Variants in MPRIP observed in about 807,000 individuals in gnomAD.
MPRIP encodes the protein myosin phosphatase Rho interacting protein, also known as myosin phosphatase Rho-interacting protein.
Under a neutral mutation model 234.9 loss-of-function variants are expected in MPRIP, and 59 were observed. The observed-to-expected ratio is 0.25, with a 90% CI of 0.20 to 0.31. The LOEUF (loss-of-function observed/expected upper bound fraction) is 0.31. Among genes scored for constraint, MPRIP ranks in the 10% least tolerant of loss-of-function variants. The probability of loss-of-function intolerance (pLI) is 1.00; values close to 1 mark genes in which losing one functional copy is unlikely to be tolerated. For synonymous variants in MPRIP, 1,144 were observed against 1,263.9 expected (o/e 0.91, Z 2.01); for missense variants, 2,436 against 3,071.0 (o/e 0.79, Z 4.89).
At chr17:17,174,109 C>T in intron 19 of MPRIP, 34 bp downstream of exon 19, 1 of 1,607,392 alleles carries the variant, frequency 6.2e-7, no homozygotes, top group South Asian at 1.1e-5. Flanking sequence ...CAAGGTTAGT[C>T]AGGGGCACTC....
At chr17:17,119,067 T>A (rs1022770088) in intron 3 of MPRIP, among the ~76,000 whole-genome samples, 2 of 152,144 alleles carry the variant, frequency 1.3e-5, no homozygotes, top group Non-Finnish European at 2.9e-5. Flanking sequence ...CCTGCTCCTG[T>A]GTTGTGCCTC....
Position 17,131,601 on chromosome 17 carries a change from C to T in MPRIP, c.420-16C>T. On this transcript the variant is annotated splice_polypyrimidine_tract_variant and intron_variant, in intron 4 of 23. Coordinates refer to ENST00000651222, the MANE Select transcript of MPRIP (RefSeq NM_001364716.4). ...CCAGGGTCTTACCTGGTACTTGTCTCCTTTTCTCTTCCCAGGTGGCTGGAG... is the reference window on the plus strand; with the variant it reads ...CCAGGGTCTTACCTGGTACTTGTCTTCTTTTCTCTTCCCAGGTGGCTGGAG... The T allele has an allele frequency of 6.2e-7, 1 of 1,613,160 alleles. No homozygotes were observed. Among genetic ancestry groups the T allele is most frequent in the Non-Finnish European group, 8.5e-7 (1 of 1,179,066 alleles).
intron 1 of MPRIP, among the ~76,000 whole-genome samples, chr17:17,072,691 G>A (rs762785290): frequency 6.6e-6 from 1 of 152,102 alleles, no homozygotes; most frequent in Non-Finnish European, 1.5e-5. Context: ...CAGCCCACGT[G>A]GCTGGCTGTG....
At chr17:17,132,683 T>C (rs766847765) in intron 5 of MPRIP, among the ~76,000 whole-genome samples, 5 of 152,232 alleles carry the variant, frequency 3.3e-5, no homozygotes, top group Non-Finnish European at 7.3e-5. Context: ...GTATTGGCCC[T>C]CCTGCTGATG....
intron 12 of MPRIP, 94 bp downstream of exon 12, chr17:17,150,327 G>A: frequency 1.2e-6 from 1 of 867,270 alleles, no homozygotes; most frequent in Non-Finnish European, 1.9e-6. Flanking sequence ...TTCTGGACAG[G>A]CCTGATGCAG....
chr17:17,174,230 G>A (rs1034733103), intron 19 of MPRIP, among the ~76,000 whole-genome samples, 155 bp downstream of exon 19: 1 of 152,264 alleles, frequency 6.6e-6, no homozygotes, highest in Non-Finnish European at 1.5e-5. Context: ...CTGCCCCAGG[G>A]CTTCTCCCTG....
At chr17:17,173,743 G>A (rs774083318) in intron 18 of MPRIP, 173 bp from the exon 19 acceptor site, 16 of 755,086 alleles carry the variant, frequency 2.1e-5, no homozygotes, top group African/African-American at 3.4e-5. Context: ...AGGGAGGGGC[G>A]TGAGGCCATC....
intron 1 of MPRIP, among the ~76,000 whole-genome samples, chr17:17,061,866 A>G (rs7207187): frequency 0.083 from 12,547 of 152,048 alleles, 732 homozygotes; most frequent in East Asian, 0.17. Flanking sequence ...TCCCGTGAAC[A>G]CTGCTTTGGT....
At chr17:17,088,728 TATATC>T (rs1453543219) in intron 3 of MPRIP, among the ~76,000 whole-genome samples, 2 of 152,018 alleles carry the variant, frequency 1.3e-5, no homozygotes, top group Non-Finnish European at 2.9e-5. Context: ...TCCTGGAAAA[TATATC>T]ATGTCCAAAA....
At chr17:17,106,459 G>A (rs73979085) in intron 3 of MPRIP, among the ~76,000 whole-genome samples, 10,606 of 152,252 alleles carry the variant, frequency 0.07, 1,173 homozygotes, top group African/African-American at 0.24. Context: ...CAGAGAGAGG[G>A]CAGCAAGAGC....
chr17:17,105,463 G>C (rs529607918), intron 3 of MPRIP, among the ~76,000 whole-genome samples: 1 of 152,168 alleles, frequency 6.6e-6, no homozygotes, highest in African/African-American at 2.4e-5. Flanking sequence ...CTCTTGACTG[G>C]GGCAGTACTG....
chr17:17,161,861 G>GA (rs201345325), intron 15 of MPRIP, among the ~76,000 whole-genome samples: 3,603 of 152,232 alleles, frequency 0.024, 115 homozygotes, highest in Middle Eastern at 0.085. Flanking sequence ...GGCAGAGCTG[G>GA]GGCTCTTACC....
chr17:17,123,038 A>G (rs2090422906), intron 3 of MPRIP, among the ~76,000 whole-genome samples: 1 of 152,258 alleles, frequency 6.6e-6, no homozygotes. Context: ...TTCAGCTGTA[A>G]AAAGTATTGA....
intron 3 of MPRIP, among the ~76,000 whole-genome samples, chr17:17,123,628 C>T (rs1256211124): frequency 6.8e-6 from 1 of 147,544 alleles, no homozygotes; most frequent in African/African-American, 2.5e-5. Context: ...CCCTTGAACC[C>T]AGGGGATGGA....
At chr17:17,184,700 G>A in intron 23 of MPRIP, 123 bp from the exon 24 acceptor site, 2 of 647,914 alleles carry the variant, frequency 3.1e-6, no homozygotes, top group South Asian at 1.8e-5. Context: ...CCCACTAACC[G>A]CACCTGCACC....
intron 11 of MPRIP, among the ~76,000 whole-genome samples, chr17:17,149,425 A>G (rs1337965074): frequency 6.7e-6 from 1 of 150,206 alleles, no homozygotes; most frequent in Non-Finnish European, 1.5e-5. Context: ...CCCGGGAGGC[A>G]GAGGTTGCAG....
At position 17,115,475 on chromosome 17, in the gene MPRIP, G is replaced by A. The variant is rs576907399; in HGVS notation, c.268-11227G>A. Reference sequence around the variant, plus strand: ...TCTTTCTCGTGATGGAGCCATGAAGGCCTGTTGGAAGGCCTGGCCTGCTTG... The same window carrying A: ...TCTTTCTCGTGATGGAGCCATGAAGACCTGTTGGAAGGCCTGGCCTGCTTG... On this transcript the variant is annotated intron_variant, in intron 3 of 23. Transcript: ENST00000651222. 3.3e-5 allele frequency among the ~76,000 whole-genome samples: 5 copies of A among 152,336 alleles called. No homozygotes were observed. In the East Asian group the frequency reaches 9.6e-4, roughly 29 times the overall value.
At chr17:17,126,618 G>A (rs776212050) in intron 3 of MPRIP, 84 bp from the exon 4 acceptor site, 69 of 1,458,724 alleles carry the variant, frequency 4.7e-5, no homozygotes, top group Non-Finnish European at 6.3e-5. Context: ...CACAGGCTGG[G>A]AGGGTCAGGA....
intron 3 of MPRIP, among the ~76,000 whole-genome samples, chr17:17,080,956 G>A (rs1232437983): frequency 6.6e-6 from 1 of 152,068 alleles, no homozygotes; most frequent in Non-Finnish European, 1.5e-5. Flanking sequence ...AACTGCTTGT[G>A]TGTGTGTGTA....
Sources: gnomAD v4.1 joint callset for allele counts (sites outside exome capture counted in the v4.1 genomes callset) on GRCh38, gnomAD v4.1.1 for gene constraint, MANE v1.5 for transcripts, NCBI Gene and HGNC (gene_info 2026-07-23, HGNC 2026-07-21) for gene names.